CDH18: variants seen among roughly 807,000 people sequenced by gnomAD.
CDH18 encodes cadherin-18.
A neutral mutation model predicts 67.9 loss-of-function variants in CDH18; 31 were observed. The ratio of observed to expected loss-of-function variants is 0.46; its 90% CI spans 0.34 to 0.62. CDH18 has a LOEUF of 0.62. Ranked by LOEUF, CDH18 falls within the 20% of genes least tolerant of loss-of-function variation. CDH18 has a pLI of 0.01. For synonymous variants in CDH18, 362 were observed against 347.2 expected, an observed-to-expected ratio of 1.04 and a Z score of -0.48; for missense variants, 890 against 975.5, an observed-to-expected ratio of 0.91 and a Z score of 1.17.
At chr5:20,573,350 G>GTT (rs750074385) in intron 1 of CDH18, among the ~76,000 whole-genome samples, 1 of 150,344 alleles carries the variant, frequency 6.7e-6, no homozygotes, top group African/African-American at 2.4e-5. Flanking sequence ...TTAGAATTAC[G>GTT]TTTTTTTTTA....
chr5:20,139,037 G>C (rs1450420456), intron 2 of CDH18, among the ~76,000 whole-genome samples: 1 of 152,150 alleles, frequency 6.6e-6, no homozygotes, highest in African/African-American at 2.4e-5. Flanking sequence ...AACAAAGCTG[G>C]AGGCATCATG....
chr5:19,659,980 A>C (rs983036416), intron 5 of CDH18, among the ~76,000 whole-genome samples: 1 of 152,126 alleles, frequency 6.6e-6, no homozygotes, highest in Non-Finnish European at 1.5e-5. Flanking sequence ...ATGTTAAAAG[A>C]ATTTGAGAAT....
At chr5:20,395,913 G>C (rs1421682188) in intron 1 of CDH18, among the ~76,000 whole-genome samples, 1 of 152,124 alleles carries the variant, frequency 6.6e-6, no homozygotes, top group Non-Finnish European at 1.5e-5. Flanking sequence ...CTGGAGAGTG[G>C]CAAGCTTAGA....
chr5:19,949,709 A>G (rs1795603830), intron 2 of CDH18, among the ~76,000 whole-genome samples: 1 of 152,166 alleles, frequency 6.6e-6, no homozygotes, highest in Non-Finnish European at 1.5e-5. Flanking sequence ...TAGATAAAAT[A>G]CGATGGCAAT....
chr5:20,497,275 A>G (rs1436903267), intron 1 of CDH18, among the ~76,000 whole-genome samples: 1 of 152,176 alleles, frequency 6.6e-6, no homozygotes, highest in Non-Finnish European at 1.5e-5. Flanking sequence ...CAAAGAATTA[A>G]CTAATACAGA....
chr5:20,375,358 T>C (rs1240559651), intron 1 of CDH18, among the ~76,000 whole-genome samples: 1 of 152,174 alleles, frequency 6.6e-6, no homozygotes, highest in Non-Finnish European at 1.5e-5. Flanking sequence ...AAAGCAGAAT[T>C]GGGATGAAAC....
chr5:20,098,369 T>C (rs955079900), intron 2 of CDH18, among the ~76,000 whole-genome samples: 13 of 152,168 alleles, frequency 8.5e-5, no homozygotes, highest in Admixed American at 2.0e-4. Context: ...AGACACTGTG[T>C]AATAATTACC....
intron 3 of CDH18, among the ~76,000 whole-genome samples, chr5:19,793,064 C>T (rs1776522249): frequency 6.6e-6 from 1 of 152,114 alleles, no homozygotes; most frequent in Admixed American, 6.6e-5. Flanking sequence ...AATGCCTGTT[C>T]TTCTAGAGCT....
At chr5:20,359,450 A>T (rs1020579067) in intron 1 of CDH18, among the ~76,000 whole-genome samples, 4 of 152,146 alleles carry the variant, frequency 2.6e-5, no homozygotes, top group Non-Finnish European at 5.9e-5. Flanking sequence ...TGGGGATCTT[A>T]CATTGTTCTC....
intron 2 of CDH18, among the ~76,000 whole-genome samples, chr5:20,106,492 T>C (rs928206256): frequency 1.3e-5 from 2 of 152,176 alleles, no homozygotes; most frequent in Non-Finnish European, 2.9e-5. Context: ...AATGACACCT[T>C]AAAATTTTCC....
At chr5:20,111,546 CTT>C (rs760458451) in intron 2 of CDH18, among the ~76,000 whole-genome samples, 11 of 51,904 alleles carry the variant, frequency 2.1e-4, no homozygotes, top group East Asian at 9.1e-4. Context: ...TTCCTTCTTT[CTT>C]TTTTTTTTTT....
intron 1 of CDH18, among the ~76,000 whole-genome samples, chr5:20,410,088 A>G (rs1746640353): frequency 6.6e-6 from 1 of 151,808 alleles, no homozygotes; most frequent in East Asian, 1.9e-4. Context: ...TCCTTCCTAA[A>G]CTCTGCAAAA....
intron 2 of CDH18, among the ~76,000 whole-genome samples, chr5:19,930,147 C>T (rs190179202): frequency 6.6e-6 from 1 of 152,114 alleles, no homozygotes; most frequent in Non-Finnish European, 1.5e-5. Flanking sequence ...TCATTCTCAG[C>T]ATATGGATGA....
intron 1 of CDH18, among the ~76,000 whole-genome samples, chr5:20,500,399 T>C (rs2126433764): frequency 6.6e-6 from 1 of 152,228 alleles, no homozygotes; most frequent in South Asian, 2.1e-4. Context: ...GGAAACAAAT[T>C]CTAATATTTA....
At chr5:19,990,054 G>C (rs1156788298), upstream of CDH18, among the ~76,000 whole-genome samples, 1 of 152,168 alleles carries the variant, frequency 6.6e-6, no homozygotes, top group Non-Finnish European at 1.5e-5. Context: ...TCCTTGTGTA[G>C]TGTCCAGACA....
At chr5:20,017,078 T>A (rs1434451575) in intron 2 of CDH18, among the ~76,000 whole-genome samples, 2 of 152,180 alleles carry the variant, frequency 1.3e-5, no homozygotes, top group Non-Finnish European at 2.9e-5. Flanking sequence ...AAGAAATTGA[T>A]GTGTTCTCTG....
chr5:19,863,326 G>T (rs1286451359), intron 2 of CDH18, among the ~76,000 whole-genome samples: 2 of 152,098 alleles, frequency 1.3e-5, no homozygotes, highest in Non-Finnish European at 2.9e-5. Flanking sequence ...CAAAATATCA[G>T]ATACACAAAC....
chr5:19,829,834 A>C (rs1487297744), intron 3 of CDH18, among the ~76,000 whole-genome samples: 1 of 152,160 alleles, frequency 6.6e-6, no homozygotes, highest in Non-Finnish European at 1.5e-5. Flanking sequence ...AGTACAAAAA[A>C]ATGGACCAAA....
chr5:20,263,540 A>C (rs1744819069), intron 1 of CDH18, among the ~76,000 whole-genome samples: 1 of 152,200 alleles, frequency 6.6e-6, no homozygotes, highest in African/African-American at 2.4e-5. Context: ...TTTTTAAAAT[A>C]ATGTGTGTCC....
Sources: allele counts gnomAD v4.1 joint callset (sites outside exome capture counted in the v4.1 genomes callset), GRCh38; gene constraint gnomAD v4.1.1; transcripts MANE v1.5; gene names NCBI Gene and HGNC (gene_info 2026-07-23, HGNC 2026-07-21).